The following THSD4 variants were observed in gnomAD, a reference collection of about 807,000 sequenced individuals.
The protein encoded by THSD4 is thrombospondin type-1 domain-containing protein 4.
A neutral mutation model predicts 119.0 loss-of-function variants in THSD4; 69 were observed. That is an observed-to-expected ratio of 0.58 (90% CI 0.48 to 0.71). THSD4 has a LOEUF of 0.71. THSD4 is among the 30% of genes least tolerant of loss of function. The probability of loss-of-function intolerance (pLI) is 0.00; values close to 1 mark genes in which losing one functional copy is unlikely to be tolerated. For synonymous variants in THSD4, 524 were observed against 540.4 expected (o/e 0.97, Z 0.42); for missense variants, 1,393 against 1,391.1 (o/e 1.00, Z -0.02).
Position 71,465,752 on chromosome 15 carries a change from G to A in THSD4, c.1152+53929G>A, listed in dbSNP as rs546789473. Among the ~76,000 whole-genome samples the A allele has an allele frequency of 8.5e-5, 13 of 152,288 alleles. No homozygotes were observed. In the East Asian group the frequency reaches 2.3e-3, roughly 27 times the overall value. ...AACCTGCTTTGTTGCTCTCTCATTT[G>A]TAAAGCATGCAATATCAGCTGGAGA... is the stretch of plus-strand genomic sequence containing the variant. On this transcript the variant is annotated intron_variant, in intron 7 of 17. Transcript: ENST00000261862.
rs1700175920 is a variant in THSD4, at chr15:71,115,638, A to G, written c.-140A>G. The stretch of plus-strand genomic sequence containing the variant: ...CGCTCGGGGCTGCCCGGCGCCGGGA[A>G]CCACGCGGGGGCGAGGCGAGGCGAG... On this transcript the variant is annotated 5_prime_UTR_variant, in exon 1 of 18. Transcript: ENST00000261862. This position sits in a 1 kb window ranked among gnomAD's most constrained non-coding sequence, Gnocchi z 4.4. The G allele has an allele frequency of 6.8e-6, 1 of 146,698 alleles. No individual in the cohort carries two copies. The highest frequency in any genetic ancestry group is 2.0e-4 in the South Asian group (1 of 4,926). 9.1% of individuals were successfully genotyped at this position (146,698 alleles called of 1,614,324 possible).
intron 7 of THSD4, among the ~76,000 whole-genome samples, chr15:71,508,937 A>ATTTTTTTT (rs56074729): frequency 1.1e-4 from 16 of 144,034 alleles, no homozygotes; most frequent in African/African-American, 3.9e-4. Context: ...AAAAGGATGG[A>ATTTTTTTT]TTTTTTTTTT....
intron 8 of THSD4, among the ~76,000 whole-genome samples, chr15:71,683,388 G>A (rs1387889113): frequency 6.6e-6 from 1 of 152,086 alleles, no homozygotes; most frequent in Non-Finnish European, 1.5e-5. Context: ...TGTGCCGGGT[G>A]GAATTCTGGG....
chr15:71,229,580 A>G (rs1313470085), intron 4 of THSD4, among the ~76,000 whole-genome samples: 5 of 152,220 alleles, frequency 3.3e-5, no homozygotes. Flanking sequence ...AAGTCTATGC[A>G]TGTTCAATAT....
intron 1 of THSD4, among the ~76,000 whole-genome samples, chr15:71,116,519 G>T (rs999660880): frequency 4.6e-5 from 7 of 152,166 alleles, no homozygotes; most frequent in Non-Finnish European, 1.0e-4. Context: ...GTACCTCCCA[G>T]CCTCCTTTGC....
Position 71,553,936 on chromosome 15 carries a change from T to G in THSD4, c.1153-106594T>G, listed in dbSNP as rs572572293. On this transcript the variant is annotated intron_variant, in intron 7 of 17. Transcript: ENST00000261862. ...TTGATTTATAAATATTTTAAATTTTTTCTTCTTTTTAAATAAGTGTTATTG... is the reference window on the plus strand; with the variant it reads ...TTGATTTATAAATATTTTAAATTTTGTCTTCTTTTTAAATAAGTGTTATTG... 9.9e-4 allele frequency among the ~76,000 whole-genome samples: 150 copies of G among 152,244 alleles called. 1 individual carries two copies. In the South Asian group the frequency reaches 0.018, roughly 19 times the overall value.
intron 7 of THSD4, among the ~76,000 whole-genome samples, chr15:71,542,025 C>T (rs1021438119): frequency 6.6e-5 from 10 of 152,148 alleles, no homozygotes; most frequent in Non-Finnish European, 8.8e-5. Flanking sequence ...GGACACTCAT[C>T]AAAAGATTTT....
At chr15:71,276,749 G>GATGCATA (rs1567178684) in intron 6 of THSD4, among the ~76,000 whole-genome samples, 1 of 152,148 alleles carries the variant, frequency 6.6e-6, no homozygotes, top group African/African-American at 2.4e-5. Flanking sequence ...TTCTTTAATG[G>GATGCATA]CAGGGAATGA....
At chr15:71,545,133 T>C (rs1170471372) in intron 7 of THSD4, among the ~76,000 whole-genome samples, 1 of 152,244 alleles carries the variant, frequency 6.6e-6, no homozygotes, top group East Asian at 1.9e-4. Flanking sequence ...CACTCAATTG[T>C]ATACTTAGTA....
chr15:71,438,957 G>T (rs2047052470), intron 7 of THSD4, among the ~76,000 whole-genome samples: 1 of 152,154 alleles, frequency 6.6e-6, no homozygotes, highest in Admixed American at 6.5e-5. Flanking sequence ...GGAGCAGAAT[G>T]GCAGGAGTTA....
intron 4 of THSD4, among the ~76,000 whole-genome samples, chr15:71,228,275 G>C (rs963124121): frequency 2.6e-5 from 4 of 152,082 alleles, no homozygotes; most frequent in African/African-American, 9.7e-5. Flanking sequence ...TGAAGATGCA[G>C]CTCTTGAAGA....
chr15:71,555,875 C>T (rs1261823813), intron 7 of THSD4, among the ~76,000 whole-genome samples: 2 of 152,142 alleles, frequency 1.3e-5, no homozygotes, highest in Non-Finnish European at 2.9e-5. Flanking sequence ...CCCATATTGG[C>T]AATGAGTTAC....
chr15:71,678,176 C>G (rs1364209959), intron 8 of THSD4, among the ~76,000 whole-genome samples: 1 of 152,210 alleles, frequency 6.6e-6, no homozygotes, highest in East Asian at 1.9e-4. Flanking sequence ...CTGTTTGAAT[C>G]AAAGTCTTGC....
At chr15:71,356,819 C>T (rs1018572651) in intron 6 of THSD4, among the ~76,000 whole-genome samples, 2 of 152,060 alleles carry the variant, frequency 1.3e-5, no homozygotes, top group Non-Finnish European at 2.9e-5. Context: ...CTCCCTCCCC[C>T]GACTTTCTTC....
intron 4 of THSD4, among the ~76,000 whole-genome samples, chr15:71,218,384 A>G (rs1477542351): frequency 6.6e-6 from 1 of 152,118 alleles, no homozygotes. Context: ...GCTTCTTGAA[A>G]GCCTCTGTGG....
intron 7 of THSD4, 99 bp downstream of exon 7, chr15:71,411,922 A>G: frequency 6.7e-7 from 1 of 1,502,392 alleles, no homozygotes; most frequent in Non-Finnish European, 9.1e-7. Context: ...AGCTCCCCCC[A>G]GCCCACGTCA....
At chr15:71,774,298 G>C (rs1271308935) in intron 17 of THSD4, among the ~76,000 whole-genome samples, 1 of 122,628 alleles carries the variant, frequency 8.2e-6, no homozygotes, top group Non-Finnish European at 1.7e-5. Context: ...GTGACAGAGT[G>C]AGACTCTGTC....
intron 7 of THSD4, among the ~76,000 whole-genome samples, chr15:71,442,660 G>GTGTGTGTATGTATGTGTATATATA: frequency 3.9e-5 from 1 of 25,826 alleles, no homozygotes; most frequent in Non-Finnish European, 9.2e-5. Context: ...GTGTGTGTGT[G>GTGTGTGTATGTATGTGTATATATA]TATATATATA....
chr15:71,742,365 T>C (rs887141086), intron 11 of THSD4, among the ~76,000 whole-genome samples: 5 of 152,256 alleles, frequency 3.3e-5, no homozygotes, highest in African/African-American at 1.2e-4. Context: ...ATTTGATTCC[T>C]AGAGTTCCAA....
Sources: gnomAD v4.1 joint callset for allele counts (sites outside exome capture counted in the v4.1 genomes callset) on GRCh38, gnomAD v4.1.1 for gene constraint, Gnocchi (gnomAD v3.1) non-coding constraint, MANE v1.5 for transcripts, NCBI Gene and HGNC (gene_info 2026-07-23, HGNC 2026-07-21) for gene names.